The following CCDC149 variants were observed in gnomAD, a reference collection of about 807,000 sequenced individuals.
The protein encoded by CCDC149 is coiled-coil domain-containing protein 149.
CCDC149 carries 45 observed loss-of-function variants against 59.9 expected under a neutral mutation model. The observed-to-expected ratio is 0.75, with a 90% CI of 0.59 to 0.96. CCDC149 has a LOEUF of 0.96. Among genes scored for constraint, CCDC149 ranks in the 40% least tolerant of loss-of-function variants. CCDC149 has a pLI of 0.00. For synonymous variants in CCDC149, 245 were observed against 260.6 expected, an observed-to-expected ratio of 0.94 and a Z score of 0.58; for missense variants, 584 against 664.7, an observed-to-expected ratio of 0.88 and a Z score of 1.33.
intron 1 of CCDC149, among the ~76,000 whole-genome samples, chr4:24,957,093 A>G (rs866153085): frequency 5.9e-5 from 9 of 152,346 alleles, no homozygotes; most frequent in Middle Eastern, 3.4e-3. Context: ...TATGGCAGAG[A>G]ACTCTACTCA....
intron 1 of CCDC149, among the ~76,000 whole-genome samples, chr4:24,965,542 C>T (rs186191675): frequency 1.3e-5 from 2 of 152,256 alleles, no homozygotes; most frequent in East Asian, 1.9e-4. Flanking sequence ...TTGTAAATAA[C>T]ATGGATCAAA....
intron 1 of CCDC149, among the ~76,000 whole-genome samples, chr4:24,971,158 C>G (rs542682085): frequency 6.6e-6 from 1 of 152,340 alleles, no homozygotes; most frequent in East Asian, 1.9e-4. Flanking sequence ...GGTCAAGACC[C>G]TTACTGACGA....
chr4:24,867,732 A>G (rs1293230654), intron 3 of CCDC149, among the ~76,000 whole-genome samples: 3 of 152,244 alleles, frequency 2.0e-5, no homozygotes, highest in Non-Finnish European at 4.4e-5. Flanking sequence ...TCACAAGAGA[A>G]TAAGAACCAC....
At chr4:24,846,389 T>C (rs902442888) in intron 4 of CCDC149, among the ~76,000 whole-genome samples, 1 of 152,224 alleles carries the variant, frequency 6.6e-6, no homozygotes, top group Non-Finnish European at 1.5e-5. Context: ...TTTACTTCAG[T>C]TTCTTGCAGG....
intron 1 of CCDC149, among the ~76,000 whole-genome samples, chr4:24,944,273 A>G (rs752313312): frequency 6.6e-6 from 1 of 152,138 alleles, no homozygotes; most frequent in Non-Finnish European, 1.5e-5. Flanking sequence ...GCTGGAAACT[A>G]TCATTCTCAG....
At position 24,871,541 on chromosome 4, in the gene CCDC149, T is replaced by C. The variant is rs191679952; in HGVS notation, c.264+2140A>G. 7.7e-4 allele frequency among the ~76,000 whole-genome samples: 117 copies of C among 152,348 alleles called. 1 individual carries two copies. Among genetic ancestry groups the C allele is most frequent in the African/African-American group, 2.5e-3 (106 of 41,578 alleles). ...CCATAAAAAGCCGTCATTTAGGGCA[T>C]GTCAGTACAGAACAACTATAAAGTT... On this transcript the variant is annotated intron_variant, in intron 3 of 12. Transcript: ENST00000635206.
At chr4:24,825,564 G>A (rs1300464698) in intron 9 of CCDC149, among the ~76,000 whole-genome samples, 5 of 151,984 alleles carry the variant, frequency 3.3e-5, no homozygotes, top group African/African-American at 1.2e-4. Context: ...ACGAGGTCAG[G>A]AGATCGAGAC....
chr4:24,889,835 C>G (rs748988694), intron 1 of CCDC149, among the ~76,000 whole-genome samples: 35 of 152,118 alleles, frequency 2.3e-4, no homozygotes, highest in Admixed American at 3.3e-4. Context: ...CAGTAGAAAT[C>G]CTAAAAAATA....
chr4:24,877,887 A>G (rs937733998), intron 1 of CCDC149, among the ~76,000 whole-genome samples: 6 of 152,196 alleles, frequency 3.9e-5, no homozygotes, highest in South Asian at 4.1e-4. Flanking sequence ...TTTACTGGAT[A>G]TATTGCACCG....
chr4:24,825,360 C>G (rs1715660342), intron 9 of CCDC149, among the ~76,000 whole-genome samples: 1 of 152,196 alleles, frequency 6.6e-6, no homozygotes, highest in Non-Finnish European at 1.5e-5. Context: ...CCTGCAACAA[C>G]TGATGCGTCA....
In CCDC149 at chr4:24,876,715, C is replaced by G. The variant is rs1396035775; in HGVS notation, c.64-18G>C. 1.9e-6 allele frequency: 3 copies of G among 1,594,048 alleles called. No homozygotes were observed. The highest frequency in any genetic ancestry group is 1.1e-5 in the South Asian group (1 of 88,558). ...ACCAGGTACTGCAAAGCAAACAAAT[C>G]CAGGCAATGGGTCAAAAACATCCAT... On this transcript the variant is annotated intron_variant, in intron 1 of 12. Transcript: ENST00000635206.
intron 1 of CCDC149, among the ~76,000 whole-genome samples, chr4:24,925,827 T>C (rs1340456640): frequency 6.6e-6 from 1 of 152,218 alleles, no homozygotes; most frequent in Non-Finnish European, 1.5e-5. Flanking sequence ...TATTTATTAA[T>C]TTGGGACACT....
Position 24,837,405 on chromosome 4 carries a change from AAC to A in CCDC149, c.490-7_490-6del. 1 of 1,613,872 alleles carries A rather than the reference AAC, an allele frequency of 6.2e-7. No homozygotes were observed. ...GTCGTGCTCCAGAGACTCAATCTAA[AAC>A]CACAGGGAGAGCCCTTACTCAAGAT... On this transcript the variant is annotated splice_polypyrimidine_tract_variant and splice_region_variant and intron_variant, in intron 5 of 12. Coordinates refer to ENST00000635206, the MANE Select transcript of CCDC149 (RefSeq NM_001330643.2). The surrounding 1 kb of genome is among the most constrained non-coding windows in gnomAD (Gnocchi z 4.3).
chr4:24,841,450 A>G (rs144919183), intron 4 of CCDC149, among the ~76,000 whole-genome samples: 201 of 152,344 alleles, frequency 1.3e-3, no homozygotes, highest in African/African-American at 4.7e-3. Flanking sequence ...TATGTTAACA[A>G]TCATTTGGTG....
At chr4:24,905,306 C>T (rs560421896) in intron 1 of CCDC149, among the ~76,000 whole-genome samples, 11 of 151,412 alleles carry the variant, frequency 7.3e-5, no homozygotes, top group African/African-American at 2.2e-4. Context: ...TAACAGAGTC[C>T]GCCAAAGAGA....
At position 24,875,549 on chromosome 4, in the gene CCDC149, G is replaced by T. The variant is rs116589889; in HGVS notation, c.225+987C>A. 4.1e-3 allele frequency among the ~76,000 whole-genome samples: 600 copies of T among 146,604 alleles called. 8 individuals carry two copies. Among genetic ancestry groups the T allele is most frequent in the African/African-American group, 0.014 (559 of 39,730 alleles). On this transcript the variant is annotated intron_variant, in intron 2 of 12. Transcript: ENST00000635206. ...GGGTTCTCTCTATGTTGCTCAGCTT[G>T]GTCTCAAACTCCTGGGCTCAAGCAA...
intron 1 of CCDC149, among the ~76,000 whole-genome samples, chr4:24,960,497 T>C (rs1485876978): frequency 1.3e-5 from 2 of 152,196 alleles, no homozygotes; most frequent in Non-Finnish European, 2.9e-5. Context: ...GATACTATTA[T>C]ATTCTGCCTA....
chr4:24,927,487 A>C (rs1722461471), intron 1 of CCDC149, among the ~76,000 whole-genome samples: 1 of 152,240 alleles, frequency 6.6e-6, no homozygotes, highest in South Asian at 2.1e-4. Flanking sequence ...AAAATTCCAA[A>C]CTATAAGCAA....
At chr4:24,929,001 C>T (rs1560259621) in intron 1 of CCDC149, among the ~76,000 whole-genome samples, 2 of 152,102 alleles carry the variant, frequency 1.3e-5, no homozygotes, top group South Asian at 2.1e-4. Flanking sequence ...GCTATGTGTC[C>T]GCCTAATTTA....
Sources: allele counts gnomAD v4.1 joint callset (sites outside exome capture counted in the v4.1 genomes callset), GRCh38; gene constraint gnomAD v4.1.1; non-coding constraint Gnocchi (gnomAD v3.1); transcripts MANE v1.5; gene names NCBI Gene and HGNC (gene_info 2026-07-23, HGNC 2026-07-21).